ZNF529: variants seen among roughly 807,000 people sequenced by gnomAD.
ZNF529 encodes zinc finger protein 529.
ZNF529 carries 11 observed loss-of-function variants against 10.1 expected under a neutral mutation model. The ratio of observed to expected loss-of-function variants is 1.09; its 90% CI spans 0.69 to 1.81. ZNF529 has a LOEUF of 1.81. ZNF529 is among the 40% of genes most tolerant of loss of function. ZNF529 has a pLI of 0.00. For synonymous variants in ZNF529, 204 were observed against 215.7 expected, an observed-to-expected ratio of 0.95 and a Z score of 0.47; for missense variants, 624 against 666.8, an observed-to-expected ratio of 0.94 and a Z score of 0.71.
In ZNF529 at chr19:36,548,268, T is replaced by A. The variant is rs1390933917; in HGVS notation, c.290A>T (p.Gln97Leu). 10 of 1,611,760 alleles carry A rather than the reference T, an allele frequency of 6.2e-6. No individual in the cohort carries two copies. Among genetic ancestry groups the A allele is most frequent in the Non-Finnish European group, 6.8e-6 (8 of 1,178,738 alleles). ...TACCTCCCACTGAGAACCAGTGTTTTGAATAATATCTTTTCCTACAGATAA... is the reference window on the plus strand; with the variant it reads ...TACCTCCCACTGAGAACCAGTGTTTAGAATAATATCTTTTCCTACAGATAA... ...KHLSVGKDII[Q>L]NTGSQWEVME... is the part of the protein sequence containing the mutation. Residue 97 changes from glutamine (Q) to leucine (L), a missense_variant, in exon 5 of 5, where the codon CAA becomes CTA. Physicochemically the swap from Gln to Leu is moderately radical, Grantham distance 113. Transcript: ENST00000591340.
chr19:36,568,490 T>C (rs1395145674), intron 2 of ZNF529, among the ~76,000 whole-genome samples: 1 of 151,408 alleles, frequency 6.6e-6, no homozygotes, highest in South Asian at 2.1e-4. Flanking sequence ...TTTTTTTTTT[T>C]ACACAGAGTC....
At chr19:36,571,255 T>C (rs552343668) in intron 2 of ZNF529, among the ~76,000 whole-genome samples, 11 of 152,376 alleles carry the variant, frequency 7.2e-5, no homozygotes, top group Admixed American at 4.6e-4. Context: ...AAACTTGGTA[T>C]AAAGATATGA....
At chr19:36,557,071 G>C (rs2035503853) in intron 2 of ZNF529, among the ~76,000 whole-genome samples, 2 of 152,166 alleles carry the variant, frequency 1.3e-5, no homozygotes, top group Non-Finnish European at 1.5e-5. Context: ...GCCCCAGTTT[G>C]ATTACATTAG....
At chr19:36,566,660 G>A (rs1246429126) in intron 2 of ZNF529, among the ~76,000 whole-genome samples, 28 of 151,970 alleles carry the variant, frequency 1.8e-4, no homozygotes, top group Admixed American at 1.7e-3. Flanking sequence ...TGAGGCTGCA[G>A]TGAGTTGCGA....
chr19:36,572,265 A>G lies in ZNF529; in HGVS notation c.14+68T>C. ...ATGGAGGACAAGGGGACCCATCTCT[A>G]CGGTCCTGTTGTTAATTGGGAAGAG... On this transcript the variant is annotated intron_variant, in intron 2 of 4. Coordinates refer to ENST00000591340, the MANE Select transcript of ZNF529 (RefSeq NM_020951.5). 9.9e-6 allele frequency: 15 copies of G among 1,521,976 alleles called. No homozygotes were observed. The Middle Eastern group carries it at 5.1e-4, about 51-fold the overall frequency. The allele number at this position is 1,521,976 out of a possible 1,614,324, so 94.3% of individuals were successfully genotyped here.
chr19:36,567,041 T>C (rs1482996509), intron 2 of ZNF529, among the ~76,000 whole-genome samples: 2 of 151,710 alleles, frequency 1.3e-5, no homozygotes. Flanking sequence ...TCATATGACA[T>C]TGCAACAGAT....
chr19:36,592,572 C>T (rs1263678713), intron 1 of ZNF529, among the ~76,000 whole-genome samples: 2 of 129,978 alleles, frequency 1.5e-5, no homozygotes, highest in Non-Finnish European at 3.2e-5. Flanking sequence ...CCAGCCTGGG[C>T]AACAAAGCAA....
chr19:36,580,510 G>T (rs1056979923), intron 2 of ZNF529: 28 of 152,152 alleles, frequency 1.8e-4, no homozygotes, highest in African/African-American at 6.0e-4. Context: ...CAGCTCCATT[G>T]TAATCTTATG....
chr19:36,555,450 C>T (rs1269146834), intron 3 of ZNF529, among the ~76,000 whole-genome samples: 2 of 85,678 alleles, frequency 2.3e-5, no homozygotes, highest in Non-Finnish European at 4.6e-5. Flanking sequence ...CCCGCCACCG[C>T]GCCCGGCTAA....
chr19:36,590,077 A>C (rs2036670858), intron 1 of ZNF529, among the ~76,000 whole-genome samples: 1 of 152,196 alleles, frequency 6.6e-6, no homozygotes, highest in Admixed American at 6.5e-5. Context: ...CACCATATAA[A>C]AATTTGTGGG....
intron 4 of ZNF529, among the ~76,000 whole-genome samples, chr19:36,552,628 C>T (rs969158670): frequency 6.6e-6 from 1 of 152,184 alleles, no homozygotes; most frequent in African/African-American, 2.4e-5. Flanking sequence ...ATCCCATAAA[C>T]TCTATAGAGC....
intron 4 of ZNF529, among the ~76,000 whole-genome samples, chr19:36,552,500 A>G (rs576593721): frequency 1.9e-4 from 29 of 152,252 alleles, no homozygotes; most frequent in Non-Finnish European, 2.5e-4. Flanking sequence ...TTTTGAAGGG[A>G]TTTTCCCAAC....
At chr19:36,562,219 A>G (rs115574447) in intron 2 of ZNF529, among the ~76,000 whole-genome samples, 1,901 of 151,506 alleles carry the variant, frequency 0.013, 34 homozygotes, top group African/African-American at 0.043. Context: ...GCCCAGGGGA[A>G]AAAAAAAAAG....
At chr19:36,602,486 C>A (rs566235063) in intron 1 of ZNF529, among the ~76,000 whole-genome samples, 1 of 150,948 alleles carries the variant, frequency 6.6e-6, no homozygotes, top group African/African-American at 2.4e-5. Context: ...AAAGTTAAAA[C>A]CAATCAGTTC....
chr19:36,568,928 C>T (rs1403232808), intron 2 of ZNF529, among the ~76,000 whole-genome samples: 1 of 152,168 alleles, frequency 6.6e-6, no homozygotes, highest in East Asian at 1.9e-4. Context: ...ATGCAAAACT[C>T]AATGATATTT....
intron 1 of ZNF529, among the ~76,000 whole-genome samples, chr19:36,599,183 A>G (rs964585831): frequency 1.3e-5 from 2 of 152,240 alleles, no homozygotes; most frequent in East Asian, 3.8e-4. Context: ...TGTGATTTAT[A>G]TAACAAAGTC....
intron 4 of ZNF529, among the ~76,000 whole-genome samples, chr19:36,551,672 G>C (rs1308752495): frequency 6.6e-6 from 1 of 152,126 alleles, no homozygotes; most frequent in Non-Finnish European, 1.5e-5. Flanking sequence ...ATGACAAATT[G>C]AAACACACTG....
chr19:36,578,014 T>C (rs1375364380), upstream of ZNF529: 1 of 152,028 alleles, frequency 6.6e-6, no homozygotes, highest in African/African-American at 2.4e-5. Flanking sequence ...TTATTTTTTT[T>C]TTCTATCCTT....
At chr19:36,556,494 C>T (rs2035480270) in intron 2 of ZNF529, among the ~76,000 whole-genome samples, 1 of 152,182 alleles carries the variant, frequency 6.6e-6, no homozygotes, top group South Asian at 2.1e-4. Flanking sequence ...CATCACTTTT[C>T]ACTCTGCCCC....
Sources: gnomAD v4.1 joint callset for allele counts (sites outside exome capture counted in the v4.1 genomes callset) on GRCh38, gnomAD v4.1.1 for gene constraint, MANE v1.5 for transcripts, NCBI Gene and HGNC (gene_info 2026-07-23, HGNC 2026-07-21) for gene names.